Variants in DOCK3 observed in about 807,000 individuals in gnomAD.
The protein encoded by DOCK3 is dedicator of cytokinesis 3, also known as dedicator of cytokinesis protein 3.
A neutral mutation model predicts 265.6 loss-of-function variants in DOCK3; 60 were observed. The observed-to-expected ratio is 0.23, with a 90% confidence interval of 0.18 to 0.28. The LOEUF is 0.28. DOCK3 is among the 10% of genes least tolerant of loss of function. The probability of loss-of-function intolerance (pLI) is 1.00; values close to 1 mark genes in which losing one functional copy is unlikely to be tolerated. For missense variants in DOCK3, 1,981 were observed against 2,594.3 expected (o/e 0.76, Z 5.14); for synonymous variants, 881 against 938.0 (o/e 0.94, Z 1.11).
chr3:50,761,684 A>G (rs940663064), intron 1 of DOCK3, among the ~76,000 whole-genome samples: 10 of 152,332 alleles, frequency 6.6e-5, no homozygotes, highest in African/African-American at 2.4e-4. Context: ...ATAATTTTTC[A>G]CCATTTTTCT....
chr3:50,811,603 G>A (rs2043761965), intron 2 of DOCK3, among the ~76,000 whole-genome samples: 1 of 152,142 alleles, frequency 6.6e-6, no homozygotes, highest in Non-Finnish European at 1.5e-5. Context: ...CATGCTGGTT[G>A]CATCTTGTGA....
intron 5 of DOCK3, among the ~76,000 whole-genome samples, chr3:50,992,808 A>G (rs1267796036): frequency 6.6e-6 from 1 of 152,210 alleles, no homozygotes; most frequent in Non-Finnish European, 1.5e-5. Context: ...AATTCCACAT[A>G]CATCCTTTTA....
intron 3 of DOCK3, among the ~76,000 whole-genome samples, chr3:50,842,473 T>C (rs1454094875): frequency 3.3e-5 from 5 of 152,192 alleles, no homozygotes; most frequent in Non-Finnish European, 7.3e-5. Flanking sequence ...TTTAAGGTAA[T>C]GATTATAAGG....
intron 5 of DOCK3, among the ~76,000 whole-genome samples, chr3:51,062,895 G>A (rs1560008995): frequency 6.6e-6 from 1 of 152,160 alleles, no homozygotes; most frequent in Non-Finnish European, 1.5e-5. Flanking sequence ...TTTCCAGATG[G>A]TATAGTTTGC....
At chr3:50,924,723 T>C (rs140408167) in intron 4 of DOCK3, among the ~76,000 whole-genome samples, 101 of 152,320 alleles carry the variant, frequency 6.6e-4, no homozygotes, top group African/African-American at 2.4e-3. Flanking sequence ...GATTCAGCAG[T>C]TGTGGTGTCA....
chr3:51,236,539 C>G (rs1370412391), intron 20 of DOCK3, 111 bp downstream of exon 20: 1 of 1,017,838 alleles, frequency 9.8e-7, no homozygotes, highest in Non-Finnish European at 1.4e-6. Flanking sequence ...ATAGATGTTT[C>G]CAATAGAAAA....
intron 7 of DOCK3, among the ~76,000 whole-genome samples, chr3:51,087,210 A>C (rs1031524701): frequency 2.0e-5 from 3 of 152,200 alleles, no homozygotes; most frequent in African/African-American, 7.2e-5. Flanking sequence ...TGATGAACAC[A>C]ATAAATACAG....
Position 50,875,057 on chromosome 3 carries a change from G to C in DOCK3, c.163-14969G>C, listed in dbSNP as rs531089717. On this transcript the variant is annotated intron_variant, in intron 3 of 52. Coordinates refer to ENST00000266037, the MANE Select transcript of DOCK3 (RefSeq NM_004947.5). ...GGGGAACGTCACACACCGGAGTTGT[G>C]GGGGAGGGGTGGGAGAGCATTAAGA... Among the ~76,000 whole-genome samples the C allele has an allele frequency of 9.2e-5, 14 of 152,204 alleles. No homozygotes were observed. In the East Asian group the frequency reaches 1.2e-3, roughly 13 times the overall value.
At chr3:51,350,528 A>T (rs2085906828) in intron 40 of DOCK3, 136 bp downstream of exon 40, 3 of 909,800 alleles carry the variant, frequency 3.3e-6, no homozygotes, top group Non-Finnish European at 3.3e-6. Context: ...AACAACAGGC[A>T]TTTGGTTTTA....
At chr3:50,878,220 T>C (rs2047814757) in intron 3 of DOCK3, among the ~76,000 whole-genome samples, 1 of 152,008 alleles carries the variant, frequency 6.6e-6, no homozygotes, top group African/African-American at 2.4e-5. Context: ...GCGTCTCTTC[T>C]CCTCCAGAGG....
intron 12 of DOCK3, among the ~76,000 whole-genome samples, chr3:51,186,835 T>C (rs2087633174): frequency 1.3e-5 from 2 of 152,220 alleles, no homozygotes; most frequent in South Asian, 4.1e-4. Flanking sequence ...AAGTCAAGAA[T>C]TGGGGTTTGG....
At position 51,288,552 on chromosome 3, in the gene DOCK3, A is replaced by G. The variant is rs141170177; in HGVS notation, c.2922+8348A>G. 3.3e-3 allele frequency among the ~76,000 whole-genome samples: 501 copies of G among 152,268 alleles called. 4 individuals are homozygous for G. The highest frequency in any genetic ancestry group is 0.018 in the South Asian group (86 of 4,830). ...GGACACCAAACCTCCATGATGCTCA[A>G]TTTACCTATATAACAAACCTGCACA... On this transcript the variant is annotated intron_variant, in intron 27 of 52. Transcript: ENST00000266037.
At chr3:51,172,853 A>G (rs1217776910) in intron 12 of DOCK3, among the ~76,000 whole-genome samples, 2 of 152,266 alleles carry the variant, frequency 1.3e-5, no homozygotes, top group East Asian at 3.9e-4. Context: ...GTTACATAAA[A>G]CATTTTATAA....
In DOCK3 at chr3:51,357,075, G is replaced by C; in HGVS notation, c.4617G>C (p.Leu1539=). 1 of 1,613,112 alleles carries C rather than the reference G, an allele frequency of 6.2e-7. No homozygotes were observed. The highest frequency in any genetic ancestry group is 1.3e-5 in the African/African-American group (1 of 75,038). ...QHKQVHGNIN[L]LSMCLNGVID... ...AGCAGGTGCATGGCAACATTAACCT[G>C]CTAAGCATGTGCCTGAATGGTGTCA... Residue 1539 remains leucine, a synonymous_variant, in exon 44 of 53, where the codon CTG becomes CTC. Transcript: ENST00000266037.
chr3:50,986,281 A>C (rs2077897326), intron 5 of DOCK3, among the ~76,000 whole-genome samples: 1 of 152,210 alleles, frequency 6.6e-6, no homozygotes. Context: ...TTACAATCTA[A>C]AGTAAAACCC....
chr3:51,040,453 C>A (rs979841987), intron 5 of DOCK3, among the ~76,000 whole-genome samples: 1 of 152,180 alleles, frequency 6.6e-6, no homozygotes, highest in Non-Finnish European at 1.5e-5. Context: ...TGCTAATTAT[C>A]ATCTGATCCT....
chr3:51,148,879 G>C (rs549897851), intron 10 of DOCK3, among the ~76,000 whole-genome samples: 23 of 152,304 alleles, frequency 1.5e-4, no homozygotes, highest in Admixed American at 9.2e-4. Context: ...ATTCTGTGAA[G>C]AAAGTCATTG....
intron 5 of DOCK3, among the ~76,000 whole-genome samples, chr3:50,970,862 A>G (rs1448644675): frequency 1.8e-5 from 2 of 112,158 alleles, no homozygotes; most frequent in Admixed American, 2.0e-4. Flanking sequence ...CTGGGACTAC[A>G]GGCACATACT....
At chr3:50,884,313 ACTC>A (rs34137207) in intron 3 of DOCK3, among the ~76,000 whole-genome samples, 12,349 of 150,902 alleles carry the variant, frequency 0.082, 1,117 homozygotes, top group East Asian at 0.33. Flanking sequence ...CTGGTCTTGA[ACTC>A]CTGACCTCAG....
Sources: allele counts gnomAD v4.1 joint callset (sites outside exome capture counted in the v4.1 genomes callset), GRCh38; gene constraint gnomAD v4.1.1; transcripts MANE v1.5; gene names NCBI Gene and HGNC (gene_info 2026-07-23, HGNC 2026-07-21).